Variants in PDZD2 observed in about 807,000 individuals in gnomAD.
PDZD2 encodes PDZ domain containing 2, also known as PDZ domain-containing protein 2.
A neutral mutation model predicts 220.7 loss-of-function variants in PDZD2; 90 were observed. The observed-to-expected ratio is 0.41, with a 90% CI of 0.34 to 0.49. The LOEUF is 0.49. Among genes scored for constraint, PDZD2 ranks in the 20% least tolerant of loss-of-function variants. PDZD2 has a pLI of 0.28. For synonymous variants in PDZD2, 1,375 were observed against 1,450.5 expected, an observed-to-expected ratio of 0.95 and a Z score of 1.18; for missense variants, 3,174 against 3,608.5, an observed-to-expected ratio of 0.88 and a Z score of 3.08.
chr5:32,104,740 A>C (rs917626791), intron 24 of PDZD2, among the ~76,000 whole-genome samples: 1 of 149,740 alleles, frequency 6.7e-6, no homozygotes, highest in Non-Finnish European at 1.5e-5. Context: ...AAAAAAAAAA[A>C]AAAAAACATA....
chr5:31,777,116 C>T (rs1752709602), intron 1 of PDZD2, among the ~76,000 whole-genome samples: 3 of 152,294 alleles, frequency 2.0e-5, no homozygotes, highest in Non-Finnish European at 4.4e-5. Flanking sequence ...GAGGTGCGGC[C>T]AGGAACCGGG....
At chr5:31,704,905 A>T (rs1169496302) in intron 1 of PDZD2, among the ~76,000 whole-genome samples, 1 of 152,156 alleles carries the variant, frequency 6.6e-6, no homozygotes, top group Non-Finnish European at 1.5e-5. Context: ...TCACGCTTAT[A>T]ATCCCAACAC....
intron 1 of PDZD2, among the ~76,000 whole-genome samples, chr5:31,746,887 G>C (rs1247969215): frequency 6.6e-6 from 1 of 152,216 alleles, no homozygotes; most frequent in African/African-American, 2.4e-5. Flanking sequence ...AAGTTTTGTA[G>C]GTCATGCGCT....
intron 1 of PDZD2, among the ~76,000 whole-genome samples, chr5:31,776,971 A>C (rs1371762686): frequency 6.6e-6 from 1 of 151,458 alleles, no homozygotes. Flanking sequence ...CACTCTCAGC[A>C]CCTCCTCGGC....
intron 1 of PDZD2, among the ~76,000 whole-genome samples, chr5:31,729,351 C>T (rs1265900281): frequency 6.6e-6 from 1 of 151,978 alleles, no homozygotes; most frequent in African/African-American, 2.4e-5. Context: ...CCCGCCTCGG[C>T]CTCCCAAAGT....
intron 2 of PDZD2, among the ~76,000 whole-genome samples, chr5:31,817,116 G>A (rs1015310430): frequency 2.7e-4 from 41 of 151,404 alleles, no homozygotes; most frequent in African/African-American, 9.0e-4. Context: ...AACCCAGGAG[G>A]TGGAGCTTGC....
chr5:32,003,061 C>T (rs1379110434), intron 5 of PDZD2, among the ~76,000 whole-genome samples: 4 of 124,700 alleles, frequency 3.2e-5, no homozygotes, highest in Admixed American at 1.5e-4. Context: ...ACACCACACA[C>T]ACATCACACA....
At chr5:32,051,651 C>T (rs1477126626) in intron 8 of PDZD2, among the ~76,000 whole-genome samples, 6 of 152,076 alleles carry the variant, frequency 3.9e-5, no homozygotes, top group Non-Finnish European at 8.8e-5. Flanking sequence ...CCTGCTTACA[C>T]GCGTGTATAT....
chr5:32,048,800 C>A, intron 8 of PDZD2, 116 bp downstream of exon 8: 1 of 1,059,112 alleles, frequency 9.4e-7, no homozygotes, highest in Non-Finnish European at 1.4e-6. Context: ...TAGAGAGAGA[C>A]AGCAGGCAAA....
chr5:31,708,336 A>T (rs1036422863), intron 1 of PDZD2, among the ~76,000 whole-genome samples: 8 of 152,226 alleles, frequency 5.3e-5, no homozygotes, highest in African/African-American at 1.9e-4. Flanking sequence ...TCTGGTCCCA[A>T]CCATAAATGG....
At chr5:31,927,588 T>C (rs1047789789) in intron 2 of PDZD2, among the ~76,000 whole-genome samples, 1 of 152,150 alleles carries the variant, frequency 6.6e-6, no homozygotes, top group African/African-American at 2.4e-5. Context: ...TTTCACCATG[T>C]TGGCCAGGCT....
At chr5:32,080,550 GAGGGACAGCAA>G (rs984220076) in intron 19 of PDZD2, among the ~76,000 whole-genome samples, 38 of 152,236 alleles carry the variant, frequency 2.5e-4, no homozygotes, top group African/African-American at 9.1e-4. Context: ...TGGAATAGAA[GAGGGACAGCAA>G]AGGGTTGGTT....
chr5:31,886,145 T>C (rs2150342185), intron 2 of PDZD2, among the ~76,000 whole-genome samples: 1 of 152,286 alleles, frequency 6.6e-6, no homozygotes, highest in African/African-American at 2.4e-5. Context: ...TTGATCCGCC[T>C]GTCTTGGCCT....
intron 2 of PDZD2, among the ~76,000 whole-genome samples, chr5:31,807,646 C>T (rs1219166031): frequency 2.0e-5 from 3 of 152,152 alleles, no homozygotes; most frequent in Non-Finnish European, 2.9e-5. Context: ...CAATATTGAG[C>T]GAGTGGCGTG....
rs540765870 is a variant in PDZD2 at position 31,820,447 on chromosome 5, T to C, written c.476+20723T>C. ...GAACACGTTCCTCCTTATTAAGTGG[T>C]CTTGATAGGTATAATCATCACTGAT... On this transcript the variant is annotated intron_variant, in intron 2 of 24. Coordinates refer to ENST00000438447, the MANE Select transcript of PDZD2 (RefSeq NM_178140.4). 5.3e-5 allele frequency: 8 copies of C among 152,358 alleles called. No individual in the cohort carries two copies. The East Asian group carries it at 1.5e-3, about 29-fold the overall frequency. The allele number at this position is 152,358 out of a possible 1,614,324, so 9.4% of individuals were successfully genotyped here.
intron 2 of PDZD2, among the ~76,000 whole-genome samples, chr5:31,806,637 C>A (rs1754728776): frequency 6.6e-6 from 1 of 152,180 alleles, no homozygotes; most frequent in Non-Finnish European, 1.5e-5. Flanking sequence ...CCATCACATC[C>A]ACTCTGGGGA....
At chr5:31,694,802 T>A (rs72755410) in intron 1 of PDZD2, among the ~76,000 whole-genome samples, 24,351 of 143,710 alleles carry the variant, frequency 0.17, 2,129 homozygotes, top group East Asian at 0.29. Context: ...TATTTATTTT[T>A]TTTTTGTGAA....
chr5:32,100,777 AC>A, intron 23 of PDZD2: 4 of 724,050 alleles, frequency 5.5e-6, no homozygotes, highest in Non-Finnish European at 8.6e-6. Context: ...TGAGAAGTGC[AC>A]AGCCGGTGTG....
chr5:31,745,886 T>C (rs1750580731), intron 1 of PDZD2, among the ~76,000 whole-genome samples: 1 of 151,396 alleles, frequency 6.6e-6, no homozygotes, highest in South Asian at 2.1e-4. Flanking sequence ...TTCAGCAGAA[T>C]TGGTCTGAAT....
Sources: gnomAD v4.1 joint callset for allele counts (sites outside exome capture counted in the v4.1 genomes callset) on GRCh38, gnomAD v4.1.1 for gene constraint, MANE v1.5 for transcripts, NCBI Gene and HGNC (gene_info 2026-07-23, HGNC 2026-07-21) for gene names.